The following TTLL11 variants were observed in gnomAD, a reference collection of about 807,000 sequenced individuals.
TTLL11 encodes tubulin polyglutamylase TTLL11.
A neutral mutation model predicts 51.7 loss-of-function variants in TTLL11; 42 were observed. The ratio of observed to expected loss-of-function variants is 0.81; its 90% confidence interval spans 0.64 to 1.05. The LOEUF is 1.05. Among genes scored for constraint, TTLL11 ranks in the 50% least tolerant of loss-of-function variants. TTLL11 has a pLI of 0.00. For synonymous variants in TTLL11, 381 were observed against 383.5 expected (o/e 0.99, Z 0.08); for missense variants, 799 against 940.4 (o/e 0.85, Z 1.97).
rs548051121 is a variant in TTLL11, at chr9:122,033,931, T to C, written c.560-2075A>G. On this transcript the variant is annotated intron_variant, in intron 2 of 8. Transcript: ENST00000321582. ...CTGGAAAATCACAGCTATTTCCTTT[T>C]ATTCTCCCTCGAAATTAGAATTGTT... Among the ~76,000 whole-genome samples the C allele has an allele frequency of 1.1e-4, 17 of 152,354 alleles. No homozygotes were observed. In the South Asian group the frequency reaches 3.3e-3, roughly 30 times the overall value.
intron 6 of TTLL11, among the ~76,000 whole-genome samples, chr9:121,948,421 T>A (rs1841743319): frequency 6.6e-6 from 1 of 152,214 alleles, no homozygotes; most frequent in Non-Finnish European, 1.5e-5. Context: ...TTTCTGTAAT[T>A]AGCAAATTAT....
intron 8 of TTLL11, among the ~76,000 whole-genome samples, chr9:121,827,599 T>A (rs942809063): frequency 2.0e-5 from 3 of 152,204 alleles, no homozygotes; most frequent in Non-Finnish European, 4.4e-5. Flanking sequence ...TGCCAGTGAG[T>A]GTGGGGGGAC....
intron 3 of TTLL11, among the ~76,000 whole-genome samples, chr9:122,000,405 G>A (rs1027304962): frequency 6.9e-6 from 1 of 145,108 alleles, no homozygotes; most frequent in African/African-American, 2.6e-5. Flanking sequence ...CCAGTAGGCG[G>A]AGCTTGCAGT....
intron 6 of TTLL11, among the ~76,000 whole-genome samples, chr9:121,895,928 CTGTG>C (rs1380102594): frequency 6.0e-5 from 3 of 50,326 alleles, no homozygotes; most frequent in African/African-American, 1.7e-4. Context: ...GTGGGTGTGT[CTGTG>C]TGGGTGTGTT....
intron 6 of TTLL11, among the ~76,000 whole-genome samples, chr9:121,876,957 A>C (rs1438922590): frequency 6.6e-6 from 1 of 152,232 alleles, no homozygotes; most frequent in African/African-American, 2.4e-5. Flanking sequence ...AAACTAGGGC[A>C]GTTGTAATGG....
At chr9:122,066,510 C>A (rs934417571) in intron 1 of TTLL11, among the ~76,000 whole-genome samples, 6 of 152,104 alleles carry the variant, frequency 3.9e-5, no homozygotes, top group Admixed American at 2.0e-4. Context: ...ACTGTGAAGA[C>A]AGGACTGGTC....
At chr9:121,855,788 G>A (rs963444401) in intron 8 of TTLL11, among the ~76,000 whole-genome samples, 1 of 152,188 alleles carries the variant, frequency 6.6e-6, no homozygotes, top group Admixed American at 6.5e-5. Flanking sequence ...GGCACTGGGC[G>A]AGATGCTTTG....
chr9:122,045,532 T>TA (rs1241983028), intron 1 of TTLL11, among the ~76,000 whole-genome samples: 2 of 152,022 alleles, frequency 1.3e-5, no homozygotes, highest in African/African-American at 4.8e-5. Flanking sequence ...GCCTGGGCGA[T>TA]AGAGTGAGAC....
chr9:121,995,921 C>T lies in TTLL11; in HGVS notation c.694-6151G>A, dbSNP rs1442653735. ...GACCTCTCAAGCTCCGTGGTGAGCGCGGGAACCACGGGCCCGTGAGAAGTA... is the reference window on the plus strand; with the variant it reads ...GACCTCTCAAGCTCCGTGGTGAGCGTGGGAACCACGGGCCCGTGAGAAGTA... On this transcript the variant is annotated intron_variant, in intron 3 of 8. Transcript: ENST00000321582. The surrounding 1 kb of genome is among the most constrained non-coding windows in gnomAD (Gnocchi z 4.4). Among the ~76,000 whole-genome samples the T allele has an allele frequency of 2.0e-5, 3 of 152,162 alleles. No homozygotes were observed. The highest frequency in any genetic ancestry group is 2.9e-5 in the Non-Finnish European group (2 of 68,038).
intron 1 of TTLL11, among the ~76,000 whole-genome samples, chr9:122,073,895 A>G (rs568718217): frequency 6.6e-6 from 1 of 152,324 alleles, no homozygotes; most frequent in Non-Finnish European, 1.5e-5. Context: ...AGCAGCCCAC[A>G]GTGGACTCAT....
chr9:122,089,991 C>T (rs535522484), intron 1 of TTLL11, among the ~76,000 whole-genome samples: 6 of 151,802 alleles, frequency 4.0e-5, no homozygotes, highest in South Asian at 2.1e-4. Context: ...AACATCTCCA[C>T]CTATATGCCA....
rs1021280771 is a variant in TTLL11 at position 122,023,719 on chromosome 9, GA to G, written c.693+8003del. 1.5e-4 allele frequency among the ~76,000 whole-genome samples: 21 copies of G among 144,458 alleles called. No homozygotes were observed. The East Asian group carries it at 2.0e-3, about 14-fold the overall frequency. 94.8% of individuals were successfully genotyped at this position (144,458 alleles called of 152,430 possible). A position where few individuals can be genotyped will look rare whatever the true frequency, so the allele number is the denominator to read the frequency against. ...ATATGATCATCTCAGTAGACACAGG[GA>G]AAAAAAAAAGAGTGACAAAATCCTA... On this transcript the variant is annotated intron_variant, in intron 3 of 8. Coordinates refer to ENST00000321582, the MANE Select transcript of TTLL11 (RefSeq NM_001139442.2).
At chr9:121,897,447 C>T (rs1211828255) in intron 6 of TTLL11, among the ~76,000 whole-genome samples, 1 of 152,096 alleles carries the variant, frequency 6.6e-6, no homozygotes, top group Non-Finnish European at 1.5e-5. Context: ...TCTCTTCTCT[C>T]CAGATACTCA....
chr9:121,833,678 G>A (rs1051069750), intron 8 of TTLL11, among the ~76,000 whole-genome samples: 8 of 152,194 alleles, frequency 5.3e-5, no homozygotes, highest in South Asian at 2.1e-4. Flanking sequence ...ATTTACATGC[G>A]TAGCTGACTT....
chr9:121,836,290 C>A (rs1339760520), intron 8 of TTLL11, among the ~76,000 whole-genome samples: 2 of 152,146 alleles, frequency 1.3e-5, no homozygotes, highest in Admixed American at 6.5e-5. Flanking sequence ...GGATAAAAAA[C>A]CAGGGCAGAT....
chr9:121,952,506 G>C (rs1189484197), intron 6 of TTLL11, among the ~76,000 whole-genome samples: 1 of 150,552 alleles, frequency 6.6e-6, no homozygotes, highest in African/African-American at 2.4e-5. Context: ...AGGGTCCATA[G>C]CTTGTTCTTT....
At chr9:121,985,701 T>A (rs946137426) in intron 4 of TTLL11, among the ~76,000 whole-genome samples, 1 of 151,810 alleles carries the variant, frequency 6.6e-6, no homozygotes, top group African/African-American at 2.4e-5. Flanking sequence ...TAATTTTTTT[T>A]AGTAAAGATG....
rs1456005550 is a variant in TTLL11 at position 121,853,533 on chromosome 9, G to A, written c.1840+6804C>T. 6.6e-6 allele frequency among the ~76,000 whole-genome samples: 1 copy of A among 152,100 alleles called. No individual in the cohort carries two copies. Among genetic ancestry groups the A allele is most frequent in the Non-Finnish European group, 1.5e-5 (1 of 68,010 alleles). On this transcript the variant is annotated intron_variant, in intron 8 of 8. Coordinates refer to ENST00000321582, the MANE Select transcript of TTLL11 (RefSeq NM_001139442.2). The surrounding 1 kb of genome is among the most constrained non-coding windows in gnomAD (Gnocchi z 5.6). ...TGTGAGGCTAGTGATGAGTGGGGATGCAGAGTGGACAGGGGTCCAGCTCTC... is the reference window on the plus strand; with the variant it reads ...TGTGAGGCTAGTGATGAGTGGGGATACAGAGTGGACAGGGGTCCAGCTCTC...
At chr9:121,969,278 C>A (rs1336373945) in intron 6 of TTLL11, among the ~76,000 whole-genome samples, 1 of 152,136 alleles carries the variant, frequency 6.6e-6, no homozygotes, top group Non-Finnish European at 1.5e-5. Context: ...GTGACAGAGT[C>A]AGGATTGGAA....
Sources: allele counts gnomAD v4.1 joint callset (sites outside exome capture counted in the v4.1 genomes callset), GRCh38; gene constraint gnomAD v4.1.1; non-coding constraint Gnocchi (gnomAD v3.1); transcripts MANE v1.5; gene names NCBI Gene and HGNC (gene_info 2026-07-23, HGNC 2026-07-21).